The following MAP2K4 variants were observed in gnomAD, a reference collection of about 807,000 sequenced individuals.
MAP2K4 encodes mitogen-activated protein kinase kinase 4, also known as dual specificity mitogen-activated protein kinase kinase 4.
A neutral mutation model predicts 48.5 loss-of-function variants in MAP2K4; 4 were observed. That is an observed-to-expected ratio of 0.08 (90% CI 0.04 to 0.19). The LOEUF is 0.19. MAP2K4 is among the 10% of genes least tolerant of loss of function. The pLI is 1.00. For synonymous variants in MAP2K4, 166 were observed against 173.1 expected (o/e 0.96, Z 0.32); for missense variants, 258 against 493.3 (o/e 0.52, Z 4.52).
At chr17:12,127,989 G>A (rs989750944) in intron 8 of MAP2K4, among the ~76,000 whole-genome samples, 6 of 152,190 alleles carry the variant, frequency 3.9e-5, no homozygotes, top group Non-Finnish European at 7.3e-5. Context: ...TCATGTATCA[G>A]TCACCTGTCA....
chr17:12,067,163 T>C (rs1176321857), intron 2 of MAP2K4, among the ~76,000 whole-genome samples: 4 of 152,232 alleles, frequency 2.6e-5, no homozygotes, highest in African/African-American at 9.6e-5. Flanking sequence ...TTACATTGTA[T>C]AGGTGTATTA....
intron 3 of MAP2K4, among the ~76,000 whole-genome samples, chr17:12,089,929 G>A (rs1207284523): frequency 6.6e-6 from 1 of 152,182 alleles, no homozygotes; most frequent in African/African-American, 2.4e-5. Flanking sequence ...AAGTGTGTCT[G>A]TGGCACCACT....
intron 4 of MAP2K4, among the ~76,000 whole-genome samples, chr17:12,101,188 G>A (rs767216915): frequency 1.3e-5 from 2 of 151,840 alleles, no homozygotes; most frequent in Non-Finnish European, 2.9e-5. Context: ...TATAGTTTTA[G>A]GTATCACATT....
At chr17:12,042,465 G>T (rs72819264) in intron 1 of MAP2K4, among the ~76,000 whole-genome samples, 36,869 of 151,844 alleles carry the variant, frequency 0.24, 5,193 homozygotes, top group Middle Eastern at 0.34. Context: ...GGGCAACATG[G>T]TGAAACCCCT....
At chr17:12,069,890 CATATATATATATATAT>C (rs56309746) in intron 2 of MAP2K4, 1,847 of 182,866 alleles carry the variant, frequency 0.01, 90 homozygotes, top group Admixed American at 0.013. Flanking sequence ...GAAGATTAGT[CATATATATATATATAT>C]ATATATATAT....
At chr17:12,063,146 T>C (rs1011608194) in intron 2 of MAP2K4, among the ~76,000 whole-genome samples, 2 of 152,202 alleles carry the variant, frequency 1.3e-5, no homozygotes, top group Non-Finnish European at 2.9e-5. Flanking sequence ...TGTATGAAAA[T>C]GCAAAGGACC....
chr17:12,048,176 C>G (rs999589923), intron 1 of MAP2K4, among the ~76,000 whole-genome samples: 1 of 152,088 alleles, frequency 6.6e-6, no homozygotes, highest in African/African-American at 2.4e-5. Context: ...CCTCACATTT[C>G]TTTTTAATTT....
At chr17:12,064,994 G>C (rs1970565073) in intron 2 of MAP2K4, among the ~76,000 whole-genome samples, 2 of 152,150 alleles carry the variant, frequency 1.3e-5, no homozygotes, top group Admixed American at 1.3e-4. Context: ...GAAATCTAGA[G>C]TAGGCAGAAC....
intron 7 of MAP2K4, among the ~76,000 whole-genome samples, chr17:12,118,854 G>A (rs1972584319): frequency 6.6e-6 from 1 of 152,130 alleles, no homozygotes; most frequent in African/African-American, 2.4e-5. Flanking sequence ...ATAACCTCTG[G>A]CCTGTGACTA....
chr17:12,027,373 A>G (rs1240688194), intron 1 of MAP2K4, among the ~76,000 whole-genome samples: 1 of 152,188 alleles, frequency 6.6e-6, no homozygotes, highest in Non-Finnish European at 1.5e-5. Context: ...ATTAAAATGG[A>G]CATCACAGCA....
chr17:12,122,467 G>T (rs1236421859), intron 7 of MAP2K4, among the ~76,000 whole-genome samples: 1 of 152,132 alleles, frequency 6.6e-6, no homozygotes, highest in Non-Finnish European at 1.5e-5. Context: ...CTGTTATTGG[G>T]AGTGGAATTA....
At chr17:12,140,922 C>T (rs532551265) in intron 10 of MAP2K4, among the ~76,000 whole-genome samples, 3 of 152,236 alleles carry the variant, frequency 2.0e-5, no homozygotes, top group Admixed American at 6.5e-5. Flanking sequence ...CAAGGTGGCA[C>T]CTTCAGATCA....
At chr17:12,086,012 T>G (rs1210549650) in intron 3 of MAP2K4, among the ~76,000 whole-genome samples, 1 of 152,162 alleles carries the variant, frequency 6.6e-6, no homozygotes, top group African/African-American at 2.4e-5. Flanking sequence ...GTTTAAACAT[T>G]GGTCTTGCAT....
chr17:12,022,752 C>T (rs1969128836), intron 1 of MAP2K4, among the ~76,000 whole-genome samples: 1 of 152,076 alleles, frequency 6.6e-6, no homozygotes, highest in South Asian at 2.1e-4. Context: ...TTTAGCTAAA[C>T]ATGAAAAATT....
chr17:12,022,314 C>T (rs1467646137), intron 1 of MAP2K4, among the ~76,000 whole-genome samples: 1 of 152,140 alleles, frequency 6.6e-6, no homozygotes, highest in Non-Finnish European at 1.5e-5. Context: ...GATGTCAGAG[C>T]TTAGAGGACA....
chr17:12,134,082 A>C (rs1437908250), intron 9 of MAP2K4, among the ~76,000 whole-genome samples: 1 of 152,254 alleles, frequency 6.6e-6, no homozygotes, highest in African/African-American at 2.4e-5. Flanking sequence ...AGCAAATGCA[A>C]AAATTAAATC....
rs1328873603 is a variant in MAP2K4, at chr17:12,141,302, A to G, written c.*42A>G. On this transcript the variant is annotated 3_prime_UTR_variant, in exon 11 of 11. Transcript: ENST00000353533. The stretch of plus-strand genomic sequence containing the variant: ...GACTCTAGAAAAAAGGGCTGAGAGG[A>G]AGCAAGACGTAAAGAATTTTCATCC... 7.4e-7 allele frequency: 1 copy of G among 1,347,660 alleles called. No individual in the cohort carries two copies. The allele number at this position is 1,347,660 out of a possible 1,614,324, so 83.5% of individuals were successfully genotyped here.
intron 2 of MAP2K4, among the ~76,000 whole-genome samples, chr17:12,078,587 G>A (rs764524545): frequency 6.6e-6 from 1 of 152,072 alleles, no homozygotes; most frequent in Non-Finnish European, 1.5e-5. Flanking sequence ...GATATCCCAA[G>A]GAAAAGTCAG....
chr17:12,087,028 G>C, intron 3 of MAP2K4, among the ~76,000 whole-genome samples: 1 of 152,058 alleles, frequency 6.6e-6, no homozygotes, highest in South Asian at 2.1e-4. Flanking sequence ...TGTATTATTA[G>C]TAGAGGCGGG....
Sources: gnomAD v4.1 joint callset for allele counts (sites outside exome capture counted in the v4.1 genomes callset) on GRCh38, gnomAD v4.1.1 for gene constraint, MANE v1.5 for transcripts, NCBI Gene and HGNC (gene_info 2026-07-23, HGNC 2026-07-21) for gene names.